CELF2: variants seen among roughly 807,000 people sequenced by gnomAD.
The protein encoded by CELF2 is CUGBP Elav-like family member 2.
A neutral mutation model predicts 62.6 loss-of-function variants in CELF2; 8 were observed. The ratio of observed to expected loss-of-function variants is 0.13; its 90% CI spans 0.07 to 0.23. The LOEUF (loss-of-function observed/expected upper bound fraction) is 0.23. CELF2 is among the 10% of genes least tolerant of loss of function. CELF2 has a pLI of 1.00. For missense variants in CELF2, 333 were observed against 671.0 expected, an observed-to-expected ratio of 0.50 and a Z score of 5.56; for synonymous variants, 258 against 250.0, an observed-to-expected ratio of 1.03 and a Z score of -0.30.
At chr10:11,249,243 T>C (rs775583073) in intron 4 of CELF2, 42 bp downstream of exon 4, 4 of 1,519,422 alleles carry the variant, frequency 2.6e-6, no homozygotes, top group Admixed American at 1.7e-5. Context: ...TAATATCTGC[T>C]GCTTTAAATT....
chr10:11,314,967 T>C lies in CELF2; in HGVS notation c.1096+709T>C, dbSNP rs1591346133. ...CAGGTTGAAATAGGCTGGAGGCAAATCACTTAGAAAATTGTACTTGGTTCC... is the reference window on the plus strand; with the variant it reads ...CAGGTTGAAATAGGCTGGAGGCAAACCACTTAGAAAATTGTACTTGGTTCC... On this transcript the variant is annotated intron_variant, in intron 10 of 12. Transcript: ENST00000633077. This position sits in a 1 kb window ranked among gnomAD's most constrained non-coding sequence, Gnocchi z 5.3. Among the ~76,000 whole-genome samples the C allele has an allele frequency of 6.6e-6, 1 of 152,054 alleles. No homozygotes were observed. Among genetic ancestry groups the C allele is most frequent in the Admixed American group, 6.5e-5 (1 of 15,270 alleles).
chr10:10,895,928 G>C (rs996688721), intron 1 of CELF2, among the ~76,000 whole-genome samples: 2 of 152,134 alleles, frequency 1.3e-5, no homozygotes, highest in Non-Finnish European at 2.9e-5. Flanking sequence ...TTTGGAAGGG[G>C]AAGAAGGAGG....
rs564076944 is a variant in CELF2, at chr10:11,034,374, C to T, written c.74+16211C>T. Among the ~76,000 whole-genome samples, 30 of 151,524 alleles carry T rather than the reference C, an allele frequency of 2.0e-4. No homozygotes were observed. In the South Asian group the frequency reaches 2.5e-3, roughly 13 times the overall value. On this transcript the variant is annotated intron_variant, in intron 1 of 12. Transcript: ENST00000633077. ...CTTTAATTTTTATTTTTTTTTGCTG[C>T]GTCTAGATCCCTCCTAGATGTGTTA...
intron 1 of CELF2, among the ~76,000 whole-genome samples, chr10:10,871,957 G>A (rs1401229092): frequency 2.0e-5 from 3 of 152,042 alleles, no homozygotes; most frequent in East Asian, 3.9e-4. Context: ...ATTATCTTCC[G>A]TTGCCTATTT....
At chr10:10,532,728 T>C in the CELF2 span, among the ~76,000 whole-genome samples, 1 of 152,150 alleles carries the variant, frequency 6.6e-6, no homozygotes, top group Non-Finnish European at 1.5e-5. Context: ...CTTTTAGGTA[T>C]TTATCTTTGT....
intron 1 of CELF2, among the ~76,000 whole-genome samples, chr10:10,883,099 A>G (rs938388906): frequency 6.6e-6 from 1 of 152,170 alleles, no homozygotes; most frequent in African/African-American, 2.4e-5. Context: ...TTAACAGGCC[A>G]TTACACAATA....
rs74115804 is a variant in CELF2 at position 11,255,983 on chromosome 10, T to C, written c.404-1755T>C. ...TGGCTGGGAGGAGGACTCCAGGCTG[T>C]GGGCCAGGCTGGATGACCCTAGGCA... On this transcript the variant is annotated intron_variant, in intron 4 of 12. Transcript: ENST00000633077. The surrounding 1 kb of genome is among the most constrained non-coding windows in gnomAD (Gnocchi z 5.5). Among the ~76,000 whole-genome samples, 8,848 of 152,190 alleles carry C rather than the reference T, an allele frequency of 0.058. 780 individuals are homozygous for C. The highest frequency in any genetic ancestry group is 0.19 in the African/African-American group (7,716 of 41,476).
chr10:10,635,064 C>G, the CELF2 span, among the ~76,000 whole-genome samples: 19 of 152,134 alleles, frequency 1.2e-4, no homozygotes, highest in Non-Finnish European at 2.6e-4. Context: ...CCCACAAGTG[C>G]TATGCATCAC....
At chr10:10,511,926 C>A in the CELF2 span, among the ~76,000 whole-genome samples, 63,680 of 151,896 alleles carry the variant, frequency 0.42, 13,785 homozygotes, top group African/African-American at 0.46. Context: ...GAAATGCAAA[C>A]ATGATATCTG....
In CELF2 at chr10:11,186,017, C is replaced by T. The variant is rs998615608; in HGVS notation, c.271+20335C>T. Among the ~76,000 whole-genome samples the T allele has an allele frequency of 3.3e-5, 5 of 152,248 alleles. 1 individual carries two copies. Among genetic ancestry groups the T allele is most frequent in the African/African-American group, 1.2e-4 (5 of 41,546 alleles). On this transcript the variant is annotated intron_variant, in intron 2 of 12. Coordinates refer to ENST00000633077, the MANE Select transcript of CELF2 (RefSeq NM_001326342.2). The stretch of plus-strand genomic sequence containing the variant: ...ACTACAAATTGAATTTCTTTAGTAC[C>T]TATAGGAATAATTAGGTTCTATATT...
In CELF2 at chr10:11,039,972, C is replaced by G. The variant is rs2061541696; in HGVS notation, c.74+21809C>G. Among the ~76,000 whole-genome samples, 1 of 152,170 alleles carries G rather than the reference C, an allele frequency of 6.6e-6. No individual in the cohort carries two copies. On this transcript the variant is annotated intron_variant, in intron 1 of 12. Transcript: ENST00000633077. The surrounding 1 kb of genome is among the most constrained non-coding windows in gnomAD (Gnocchi z 4.1). Reference sequence around the variant, plus strand: ...ACTGAGAGCAAAATGTATTGATTATCTTTATGTGGACCATGACAAATTGAT... The same window carrying G: ...ACTGAGAGCAAAATGTATTGATTATGTTTATGTGGACCATGACAAATTGAT...
the CELF2 span, among the ~76,000 whole-genome samples, chr10:10,480,578 A>C: frequency 3.9e-5 from 6 of 152,200 alleles, no homozygotes; most frequent in African/African-American, 1.4e-4. Flanking sequence ...CAAATTTCCT[A>C]AGTGAGCAAG....
At chr10:11,128,979 A>G (rs139629437) in intron 1 of CELF2, among the ~76,000 whole-genome samples, 1,846 of 152,122 alleles carry the variant, frequency 0.012, 37 homozygotes, top group African/African-American at 0.042. Context: ...AATGCTTCCA[A>G]TTTTTGCCCA....
At chr10:10,507,872 C>T in the CELF2 span, among the ~76,000 whole-genome samples, 3 of 152,062 alleles carry the variant, frequency 2.0e-5, no homozygotes, top group African/African-American at 7.3e-5. Context: ...TATTGAAAGC[C>T]CTCAAATTTA....
At chr10:10,790,228 A>T in the CELF2 span, among the ~76,000 whole-genome samples, 1 of 152,042 alleles carries the variant, frequency 6.6e-6, no homozygotes, top group Non-Finnish European at 1.5e-5. Flanking sequence ...TATATTCAAG[A>T]ATATATTTTA....
chr10:10,551,766 C>G, the CELF2 span, among the ~76,000 whole-genome samples: 1 of 152,048 alleles, frequency 6.6e-6, no homozygotes, highest in Non-Finnish European at 1.5e-5. Context: ...GGAGCAGGGT[C>G]CAGGAGCGCT....
the CELF2 span, among the ~76,000 whole-genome samples, chr10:10,691,976 T>C: frequency 6.6e-6 from 1 of 151,964 alleles, no homozygotes; most frequent in African/African-American, 2.4e-5. Context: ...ACTCTCATGG[T>C]AGTTCCTTTT....
intron 2 of CELF2, among the ~76,000 whole-genome samples, chr10:10,981,725 T>C (rs2052131564): frequency 6.6e-6 from 1 of 152,260 alleles, no homozygotes; most frequent in African/African-American, 2.4e-5. Context: ...GTAACATTTA[T>C]TGTGCACTTT....
the CELF2 span, among the ~76,000 whole-genome samples, chr10:10,500,925 G>A: frequency 6.6e-6 from 1 of 152,206 alleles, no homozygotes; most frequent in South Asian, 2.1e-4. Context: ...ATTCTCTGGA[G>A]ATTCTTCTAG....
Sources: gnomAD v4.1 joint callset for allele counts (sites outside exome capture counted in the v4.1 genomes callset) on GRCh38, gnomAD v4.1.1 for gene constraint, Gnocchi (gnomAD v3.1) non-coding constraint, MANE v1.5 for transcripts, NCBI Gene and HGNC (gene_info 2026-07-23, HGNC 2026-07-21) for gene names.